Variants in CR1 observed in about 807,000 individuals in gnomAD.
CR1 encodes complement receptor type 1.
CR1 carries 116 observed loss-of-function variants against 187.3 expected under a neutral mutation model. The observed-to-expected ratio is 0.62, with a 90% confidence interval of 0.53 to 0.72. The LOEUF is 0.72. CR1 is among the 30% of genes least tolerant of loss of function. The pLI is 0.00. For missense variants in CR1, 1,731 were observed against 2,110.7 expected (o/e 0.82, Z 3.52); for synonymous variants, 576 against 747.1 (o/e 0.77, Z 3.73).
chr1:207,577,827 A>C lies in CR1; in HGVS notation c.4560A>C (p.Pro1520=), dbSNP rs373191459. ...ICQRIPCGLP[P]TIANGDFIST... ...CAGGAATTCCTTGTGGGCTACCCCCAACCATCGCCAATGGAGATTTCATTA... is the reference window on the plus strand; with the variant it reads ...CAGGAATTCCTTGTGGGCTACCCCCCACCATCGCCAATGGAGATTTCATTA... Residue 1520 remains proline, a synonymous_variant, in exon 29 of 47, where the codon CCA becomes CCC. Transcript: ENST00000367049. The C allele has an allele frequency of 2.9e-4, 464 of 1,613,928 alleles. 2 individuals are homozygous for C. The highest frequency in any genetic ancestry group is 1.4e-3 in the African/African-American group (107 of 75,036).
At chr1:207,637,593 G>A (rs1057109439) in intron 46 of CR1, among the ~76,000 whole-genome samples, 1 of 152,208 alleles carries the variant, frequency 6.6e-6, no homozygotes, top group East Asian at 1.9e-4. Context: ...ACCAATTTTG[G>A]ACTGCAGGCA....
intron 3 of CR1, 102 bp from the exon 4 acceptor site, chr1:207,511,467 T>A: frequency 8.6e-7 from 1 of 1,160,226 alleles, no homozygotes; most frequent in Non-Finnish European, 1.3e-6. Context: ...GTGTAAAAAG[T>A]CCCTCTGAAT....
intron 42 of CR1, among the ~76,000 whole-genome samples, chr1:207,619,180 C>T (rs1477397146): frequency 1.3e-5 from 2 of 151,248 alleles, no homozygotes; most frequent in African/African-American, 4.9e-5. Context: ...GTCAGGAGTT[C>T]GAGACCAGCC....
chr1:207,610,453 C>T (rs1028821956), intron 37 of CR1, among the ~76,000 whole-genome samples: 7 of 152,154 alleles, frequency 4.6e-5, no homozygotes, highest in Admixed American at 4.6e-4. Flanking sequence ...CTGCCTCAGT[C>T]TCACAGGTAG....
intron 32 of CR1, 89 bp downstream of exon 32, chr1:207,582,092 G>A (rs192243146): frequency 2.2e-4 from 189 of 848,552 alleles, no homozygotes; most frequent in East Asian, 3.7e-4. Context: ...TGTTTGTCCC[G>A]CTGTTTGTGC....
chr1:207,597,763 T>G (rs985719168), intron 35 of CR1, among the ~76,000 whole-genome samples: 1 of 152,090 alleles, frequency 6.6e-6, no homozygotes. Flanking sequence ...CTAAAGAAAT[T>G]GAAAACAAGG....
intron 29 of CR1, 49 bp downstream of exon 29, chr1:207,578,252 T>C: frequency 6.2e-7 from 1 of 1,611,682 alleles, no homozygotes; most frequent in Non-Finnish European, 8.5e-7. Context: ...CATGTGTTGC[T>C]GTTGGATCAG....
chr1:207,626,961 C>G (rs1662497042), intron 45 of CR1, among the ~76,000 whole-genome samples: 2 of 152,104 alleles, frequency 1.3e-5, no homozygotes, highest in African/African-American at 4.8e-5. Context: ...TTGCTTGAAC[C>G]CAGGAGGTGG....
At chr1:207,639,327 G>A in intron 46 of CR1, 70 bp from the exon 47 acceptor site, 1 of 1,409,974 alleles carries the variant, frequency 7.1e-7, no homozygotes, top group East Asian at 2.4e-5. Context: ...AAGCTTATCA[G>A]CCTGTAAATT....
At chr1:207,587,306 T>G in intron 33 of CR1, 80 bp from the exon 34 acceptor site, 4 of 1,221,878 alleles carry the variant, frequency 3.3e-6, no homozygotes, top group Non-Finnish European at 3.5e-6. Context: ...GATCCACCTA[T>G]CAGCTTAATT....
intron 4 of CR1, 137 bp from the exon 5 acceptor site, chr1:207,523,474 T>C (rs1660060568): frequency 1.4e-6 from 2 of 1,436,152 alleles, no homozygotes; most frequent in East Asian, 2.5e-5. Flanking sequence ...TACAACTTTA[T>C]AAAAATGTAC....
chr1:207,505,519 A>G (rs111407736), intron 1 of CR1, among the ~76,000 whole-genome samples: 4,761 of 152,096 alleles, frequency 0.031, 249 homozygotes, highest in African/African-American at 0.11. Context: ...TATGAAGTAT[A>G]TTGGAGAGAA....
chr1:207,637,528 C>T (rs1662854120), intron 46 of CR1, among the ~76,000 whole-genome samples: 1 of 152,204 alleles, frequency 6.6e-6, no homozygotes, highest in Non-Finnish European at 1.5e-5. Flanking sequence ...TGACATCCCG[C>T]TTACCATGTG....
In CR1 at chr1:207,523,721, G is replaced by C. The variant is rs533647702; in HGVS notation, c.598G>C (p.Gly200Arg). 1 of 1,612,902 alleles carries C rather than the reference G, an allele frequency of 6.2e-7. No individual in the cohort carries two copies. The highest frequency in any genetic ancestry group is 2.2e-5 in the East Asian group (1 of 44,884). ...GACCTACCGCTGCAATCCTGGAAGC[G>C]GAGGGAGAAAGGTGTTTGAGCTTGT... Reference protein sequence around the residue: ...VVTYRCNPGSGGRKVFELVGE... With the variant: ...VVTYRCNPGSRGRKVFELVGE... Residue 200 changes from glycine to arginine, a missense_variant, in exon 5 of 47, where the codon GGA (glycine) becomes CGA (arginine). This residue lies in a region of CR1 where 131 missense variants were observed against 196.8 expected (regional missense o/e 0.67). Coordinates refer to ENST00000367049, the MANE Select transcript of CR1 (RefSeq NM_000651.6).
intron 41 of CR1, among the ~76,000 whole-genome samples, chr1:207,617,573 G>A (rs1262210638): frequency 1.6e-4 from 2 of 12,208 alleles, no homozygotes; most frequent in Non-Finnish European, 1.6e-4. Flanking sequence ...ATATATGTGT[G>A]TGTGTATATA....
At chr1:207,604,092 A>G (rs1661681884) in intron 35 of CR1, among the ~76,000 whole-genome samples, 1 of 152,156 alleles carries the variant, frequency 6.6e-6, no homozygotes. Context: ...CAATTTGCCA[A>G]TCTAATGGGC....
chr1:207,611,857 C>T lies in CR1; in HGVS notation c.6472+4C>T. On this transcript the variant is annotated splice_donor_region_variant and intron_variant, in intron 38 of 46. Coordinates refer to ENST00000367049, the MANE Select transcript of CR1 (RefSeq NM_000651.6). ...CCTGAAGCCCCTAGATGTACAGGTG[C>T]CTTGACTCTCTGGCTTCCAGATTGC... 1.9e-6 allele frequency: 3 copies of T among 1,613,712 alleles called. No homozygotes were observed. The highest frequency in any genetic ancestry group is 1.7e-4 in the Middle Eastern group (1 of 6,060).
intron 35 of CR1, among the ~76,000 whole-genome samples, chr1:207,601,090 T>G (rs1356246858): frequency 6.6e-6 from 1 of 151,866 alleles, no homozygotes; most frequent in Non-Finnish European, 1.5e-5. Context: ...AATAAAGTAA[T>G]GAACAAAGAA....
At chr1:207,578,318 G>C (rs1660832302) in intron 29 of CR1, 115 bp downstream of exon 29, 2 of 1,580,806 alleles carry the variant, frequency 1.3e-6, no homozygotes, top group Non-Finnish European at 1.7e-6. Flanking sequence ...GGGAAAGTAA[G>C]TTTTGGGGGA....
Sources: gnomAD v4.1 joint callset for allele counts (sites outside exome capture counted in the v4.1 genomes callset) on GRCh38, gnomAD v4.1.1 for gene constraint, gnomAD v4.1.1 regional missense constraint, MANE v1.5 for transcripts, NCBI Gene and HGNC (gene_info 2026-07-23, HGNC 2026-07-21) for gene names.